RMDN3: variants seen among roughly 807,000 people sequenced by gnomAD.
The protein encoded by RMDN3 is regulator of microtubule dynamics 3, also known as regulator of microtubule dynamics protein 3.
A neutral mutation model predicts 61.8 loss-of-function variants in RMDN3; 41 were observed. The ratio of observed to expected loss-of-function variants is 0.66; its 90% CI spans 0.52 to 0.86. The LOEUF is 0.86. RMDN3 is among the 40% of genes least tolerant of loss of function. The pLI is 0.00. For synonymous variants in RMDN3, 247 were observed against 232.0 expected (o/e 1.06, Z -0.59); for missense variants, 557 against 585.3 (o/e 0.95, Z 0.50).
chr15:40,754,416 G>T (rs1267838799), intron 2 of RMDN3, among the ~76,000 whole-genome samples, 181 bp downstream of exon 2: 1 of 152,166 alleles, frequency 6.6e-6, no homozygotes, highest in African/African-American at 2.4e-5. Context: ...CCAAAGTGCT[G>T]GGATTACAGG....
intron 4 of RMDN3, among the ~76,000 whole-genome samples, chr15:40,748,845 C>T (rs908181982): frequency 6.6e-6 from 1 of 151,308 alleles, no homozygotes; most frequent in East Asian, 1.9e-4. Flanking sequence ...AGTGATCTGC[C>T]CACCTCAGCC....
chr15:40,742,172 T>G (rs1897309887), intron 6 of RMDN3, among the ~76,000 whole-genome samples: 1 of 119,630 alleles, frequency 8.4e-6, no homozygotes, highest in South Asian at 2.4e-4. Context: ...ATTTTTTAAG[T>G]TTTTTTTTTT....
At chr15:40,749,078 A>G (rs1046810328) in intron 4 of RMDN3, among the ~76,000 whole-genome samples, 1 of 151,778 alleles carries the variant, frequency 6.6e-6, no homozygotes, top group African/African-American at 2.4e-5. Flanking sequence ...TAATTTTTGT[A>G]TTTTTAGTAG....
chr15:40,743,161 CT>C (rs771943413), intron 6 of RMDN3, among the ~76,000 whole-genome samples: 19 of 152,284 alleles, frequency 1.2e-4, no homozygotes, highest in Non-Finnish European at 2.6e-4. Flanking sequence ...TGGTTTATGC[CT>C]GTTATCCCAG....
chr15:40,748,248 C>T (rs1897659233), intron 4 of RMDN3, among the ~76,000 whole-genome samples: 1 of 152,222 alleles, frequency 6.6e-6, no homozygotes, highest in South Asian at 2.1e-4. Flanking sequence ...CCAAGACACA[C>T]ATGTTCAAAG....
intron 6 of RMDN3, among the ~76,000 whole-genome samples, chr15:40,743,100 C>G (rs1057080764): frequency 1.3e-5 from 2 of 152,148 alleles, no homozygotes; most frequent in Non-Finnish European, 2.9e-5. Flanking sequence ...GCTGTACTTA[C>G]AATAGAAAGG....
chr15:40,742,461 A>T (rs1897320570), intron 6 of RMDN3, among the ~76,000 whole-genome samples: 1 of 152,168 alleles, frequency 6.6e-6, no homozygotes, highest in African/African-American at 2.4e-5. Context: ...AAATAATAGC[A>T]AAGAATGAGA....
At chr15:40,747,638 CT>C (rs1482967631) in intron 4 of RMDN3, 4 of 151,614 alleles carry the variant, frequency 2.6e-5, no homozygotes, top group Non-Finnish European at 5.9e-5. Context: ...TACCCTGAGG[CT>C]TTTGAGATCT....
intron 9 of RMDN3, 66 bp downstream of exon 9, chr15:40,737,899 C>T: frequency 6.4e-7 from 1 of 1,572,322 alleles, no homozygotes; most frequent in South Asian, 1.1e-5. Flanking sequence ...CTTGTTCTTC[C>T]TGGCAAGGAA....
In RMDN3 at chr15:40,753,579, T is replaced by C. The variant is rs537913983; in HGVS notation, c.187+1018A>G. 3.9e-5 allele frequency among the ~76,000 whole-genome samples: 6 copies of C among 152,188 alleles called. No individual in the cohort carries two copies. In the East Asian group the frequency reaches 1.2e-3, roughly 29 times the overall value. On this transcript the variant is annotated intron_variant, in intron 2 of 12. Transcript: ENST00000338376. ...AAACACTCCTCTTGCACAAAGATGG[T>C]AGTAGTTTGAACCAGCCCTAGATCC...
intron 7 of RMDN3, chr15:40,738,785 C>T: frequency 1.7e-6 from 1 of 590,120 alleles, no homozygotes; most frequent in Non-Finnish European, 3.0e-6. Flanking sequence ...GGTAGGCTTA[C>T]AAGTCTCCAA....
intron 2 of RMDN3, 123 bp from the exon 3 acceptor site, chr15:40,752,301 G>A: frequency 2.1e-6 from 2 of 960,258 alleles, no homozygotes; most frequent in South Asian, 1.7e-5. Context: ...CGCTCAGATA[G>A]CACACGTTCA....
intron 5 of RMDN3, 63 bp from the exon 6 acceptor site, chr15:40,744,212 G>A: frequency 6.7e-7 from 1 of 1,482,940 alleles, no homozygotes. Context: ...TGGGGGCCTT[G>A]GCCTTCCCCC....
At chr15:40,754,515 T>A in intron 2 of RMDN3, 82 bp downstream of exon 2, 1 of 1,372,494 alleles carries the variant, frequency 7.3e-7, no homozygotes, top group Non-Finnish European at 9.9e-7. Context: ...CGTTACCCTG[T>A]CCCACAGTCT....
chr15:40,746,971 C>T (rs1897597176), intron 4 of RMDN3, among the ~76,000 whole-genome samples: 1 of 152,042 alleles, frequency 6.6e-6, no homozygotes, highest in African/African-American at 2.4e-5. Flanking sequence ...GGAGACCACC[C>T]ACAGGCAACC....
At position 40,744,089 on chromosome 15, in the gene RMDN3, G is replaced by A; in HGVS notation, c.868C>T (p.Leu290Phe). 3 of 1,613,698 alleles carry A rather than the reference G, an allele frequency of 1.9e-6. No individual in the cohort carries two copies. The highest frequency in any genetic ancestry group is 2.5e-6 in the Non-Finnish European group (3 of 1,179,986). ...TTCTTCTCGCTCACCTCCTCAGTGAGCTCACACATGTCACTGTAGGCTCGG... is the reference window on the plus strand; with the variant it reads ...TTCTTCTCGCTCACCTCCTCAGTGAACTCACACATGTCACTGTAGGCTCGG... ...LARAYSDMCE[L>F]TEEVSEKKSY... Residue 290 changes from leucine (L) to phenylalanine (F), a missense_variant, in exon 6 of 13, where the codon CTC becomes TTC. Physicochemically the swap from Leu to Phe is conservative, Grantham distance 22. Coordinates refer to ENST00000338376, the MANE Select transcript of RMDN3 (RefSeq NM_018145.3).
At chr15:40,750,344 C>T (rs940926956) in intron 4 of RMDN3, among the ~76,000 whole-genome samples, 2 of 151,640 alleles carry the variant, frequency 1.3e-5, no homozygotes, top group African/African-American at 4.8e-5. Flanking sequence ...CTCAGCCTCC[C>T]GATTAGCTGG....
rs1350325533 is a variant in RMDN3, at chr15:40,754,795, G to A, written c.-7-5C>T. On this transcript the variant is annotated splice_polypyrimidine_tract_variant and splice_region_variant and intron_variant, in intron 1 of 12. Transcript: ENST00000338376. ...CCCAGTCTAGACATGCTGCACCTGC[G>A]GCCAGCAGAAGTCACCGGGAGCAGG... 11 of 1,453,806 alleles carry A rather than the reference G, an allele frequency of 7.6e-6. No homozygotes were observed. Among genetic ancestry groups the A allele is most frequent in the African/African-American group, 1.4e-5 (1 of 69,178 alleles). The allele number at this position is 1,453,806 out of a possible 1,614,324, so 90.1% of individuals were successfully genotyped here.
At position 40,755,013 on chromosome 15, in the gene RMDN3, C is replaced by A. The variant is rs545755818; in HGVS notation, c.-8+70G>T. On this transcript the variant is annotated intron_variant, in intron 1 of 12. Transcript: ENST00000338376. ...TGCCTCTCTTCTCACCCAGCCTGGACGTAGCCGCCCCTCCAGTACACCCCC... is the reference window on the plus strand; with the variant it reads ...TGCCTCTCTTCTCACCCAGCCTGGAAGTAGCCGCCCCTCCAGTACACCCCC... 3 of 500,636 alleles carry A rather than the reference C, an allele frequency of 6.0e-6. No homozygotes were observed. In the South Asian group the frequency reaches 7.8e-5, roughly 13 times the overall value. The allele number at this position is 500,636 out of a possible 1,614,324, so 31.0% of individuals were successfully genotyped here.
Sources: gnomAD v4.1 joint callset for allele counts (sites outside exome capture counted in the v4.1 genomes callset) on GRCh38, gnomAD v4.1.1 for gene constraint, MANE v1.5 for transcripts, NCBI Gene and HGNC (gene_info 2026-07-23, HGNC 2026-07-21) for gene names.